TBC1D22A: variants seen among roughly 807,000 people sequenced by gnomAD.
The protein encoded by TBC1D22A is putative GTPase activator.
In TBC1D22A, 38 loss-of-function variants were observed where a neutral mutation model predicts 60.2. The ratio of observed to expected loss-of-function variants is 0.63; its 90% confidence interval spans 0.49 to 0.83. The LOEUF (loss-of-function observed/expected upper bound fraction) is 0.83, where lower values mean the gene tolerates loss of function less well. TBC1D22A is among the 40% of genes least tolerant of loss of function. TBC1D22A has a pLI of 0.00. For missense variants in TBC1D22A, 628 were observed against 701.0 expected (o/e 0.90, Z 1.18); for synonymous variants, 302 against 281.7 (o/e 1.07, Z -0.72).
At chr22:47,131,368 C>T (rs1021030819) in intron 12 of TBC1D22A, among the ~76,000 whole-genome samples, 2 of 152,224 alleles carry the variant, frequency 1.3e-5, no homozygotes, top group African/African-American at 4.8e-5. Context: ...AAATGGTGAA[C>T]CTGCCTGCTC....
At chr22:46,867,066 C>A (rs1200018728) in intron 4 of TBC1D22A, among the ~76,000 whole-genome samples, 6 of 152,182 alleles carry the variant, frequency 3.9e-5, no homozygotes, top group Non-Finnish European at 2.9e-5. Flanking sequence ...AGCTGAAATT[C>A]TCAACAATAA....
At chr22:46,858,354 ACACT>A (rs1423787044) in intron 4 of TBC1D22A, among the ~76,000 whole-genome samples, 2 of 152,140 alleles carry the variant, frequency 1.3e-5, no homozygotes, top group Non-Finnish European at 1.5e-5. Flanking sequence ...AAGACTCTTG[ACACT>A]CAATACTGTC....
chr22:46,843,594 A>G (rs2086868111), intron 4 of TBC1D22A, among the ~76,000 whole-genome samples: 1 of 152,006 alleles, frequency 6.6e-6, no homozygotes. Context: ...GGGAGTGGGT[A>G]TCACGCGTTC....
At chr22:46,794,881 A>G (rs1020143154) in intron 3 of TBC1D22A, among the ~76,000 whole-genome samples, 2 of 152,184 alleles carry the variant, frequency 1.3e-5, no homozygotes, top group African/African-American at 4.8e-5. Context: ...CCTCCCTCCA[A>G]GGTCTTCTGG....
chr22:46,927,887 T>G (rs988905503), intron 8 of TBC1D22A, among the ~76,000 whole-genome samples: 5 of 152,190 alleles, frequency 3.3e-5, no homozygotes, highest in African/African-American at 9.6e-5. Flanking sequence ...ACATTCGCAC[T>G]CTGAAAACTA....
intron 12 of TBC1D22A, among the ~76,000 whole-genome samples, chr22:47,165,798 G>T (rs2068186344): frequency 6.6e-6 from 1 of 152,126 alleles, no homozygotes; most frequent in African/African-American, 2.4e-5. Flanking sequence ...CTCCCCAGGT[G>T]GCATCAGGGC....
At chr22:47,128,061 C>T (rs2066537053) in intron 12 of TBC1D22A, among the ~76,000 whole-genome samples, 2 of 61,890 alleles carry the variant, frequency 3.2e-5, no homozygotes, top group African/African-American at 1.5e-4. Context: ...CAACCCATCC[C>T]CCCTCCCCTC....
chr22:47,150,926 G>A (rs765204272), intron 12 of TBC1D22A, among the ~76,000 whole-genome samples: 6 of 152,182 alleles, frequency 3.9e-5, no homozygotes, highest in African/African-American at 1.2e-4. Context: ...CTCACGTGGC[G>A]TGCATGTGGC....
At chr22:46,807,091 C>T (rs1338829120) in intron 4 of TBC1D22A, among the ~76,000 whole-genome samples, 3 of 152,360 alleles carry the variant, frequency 2.0e-5, no homozygotes, top group East Asian at 1.9e-4. Context: ...ATCCTGTAGA[C>T]ACTTTACAGG....
At position 47,048,399 on chromosome 22, in the gene TBC1D22A, C is replaced by T. The variant is rs575635919; in HGVS notation, c.1329+11201C>T. On this transcript the variant is annotated intron_variant, in intron 11 of 12. Transcript: ENST00000337137. ...CCTTCCAGGACAGGGTGGTCAGGCC[C>T]CAGCACATCCAGTTACTACGTCACT... 3.3e-5 allele frequency among the ~76,000 whole-genome samples: 5 copies of T among 152,270 alleles called. No homozygotes were observed. The South Asian group carries it at 8.3e-4, about 25-fold the overall frequency.
chr22:46,964,066 C>T (rs2073679345), intron 8 of TBC1D22A, among the ~76,000 whole-genome samples: 1 of 152,198 alleles, frequency 6.6e-6, no homozygotes, highest in Non-Finnish European at 1.5e-5. Flanking sequence ...GGGCTCCTGC[C>T]CCTCCTTGGC....
At chr22:46,898,117 C>T (rs1447360008) in intron 7 of TBC1D22A, among the ~76,000 whole-genome samples, 1 of 152,140 alleles carries the variant, frequency 6.6e-6, no homozygotes, top group Non-Finnish European at 1.5e-5. Context: ...TAGAGCCTGC[C>T]ACAGGACCTT....
chr22:46,884,426 C>G (rs1411770471), intron 5 of TBC1D22A, among the ~76,000 whole-genome samples: 1 of 152,196 alleles, frequency 6.6e-6, no homozygotes, highest in South Asian at 2.1e-4. Context: ...CCACCAGACA[C>G]AGGTGATGAA....
intron 12 of TBC1D22A, among the ~76,000 whole-genome samples, chr22:47,170,060 G>C (rs368449151): frequency 6.6e-6 from 1 of 152,232 alleles, no homozygotes; most frequent in South Asian, 2.1e-4. Flanking sequence ...GACAGGAGAC[G>C]ACGTGGCCTA....
intron 10 of TBC1D22A, among the ~76,000 whole-genome samples, chr22:47,033,631 C>T (rs973567388): frequency 2.0e-5 from 3 of 152,104 alleles, no homozygotes; most frequent in Non-Finnish European, 2.9e-5. Context: ...GTGTATAGAA[C>T]GAAGAAGAGG....
intron 12 of TBC1D22A, among the ~76,000 whole-genome samples, chr22:47,164,246 C>T (rs957339505): frequency 7.2e-5 from 11 of 152,228 alleles, no homozygotes; most frequent in African/African-American, 2.2e-4. Context: ...CACACTCTGC[C>T]GGCTCCTTAG....
chr22:46,801,640 C>T (rs529713954), intron 4 of TBC1D22A, among the ~76,000 whole-genome samples: 1 of 152,372 alleles, frequency 6.6e-6, no homozygotes, highest in South Asian at 2.1e-4. Context: ...CACGCAGTTT[C>T]CTGAGGACCG....
chr22:46,839,475 A>G (rs913010261), intron 4 of TBC1D22A, among the ~76,000 whole-genome samples: 4 of 152,206 alleles, frequency 2.6e-5, no homozygotes. Flanking sequence ...AATATATCCC[A>G]TGTGTATGAA....
At chr22:47,064,171 G>T (rs570538016) in intron 11 of TBC1D22A, among the ~76,000 whole-genome samples, 1 of 152,234 alleles carries the variant, frequency 6.6e-6, no homozygotes, top group African/African-American at 2.4e-5. Flanking sequence ...GGGCTGATGC[G>T]TTGCCGTTGC....
Sources: allele counts gnomAD v4.1 joint callset (sites outside exome capture counted in the v4.1 genomes callset), GRCh38; gene constraint gnomAD v4.1.1; transcripts MANE v1.5; gene names NCBI Gene and HGNC (gene_info 2026-07-23, HGNC 2026-07-21).